Variants in PATJ observed in about 807,000 individuals in gnomAD.
The protein encoded by PATJ is inaD-like protein.
In PATJ, 190 loss-of-function variants were observed where a neutral mutation model predicts 224.9. The observed-to-expected ratio is 0.84, with a 90% CI of 0.75 to 0.95. The LOEUF is 0.95. PATJ is among the 40% of genes least tolerant of loss of function. The pLI is 0.00. For missense variants in PATJ, 2,121 were observed against 2,270.3 expected, an observed-to-expected ratio of 0.93 and a Z score of 1.34; for synonymous variants, 769 against 820.3, an observed-to-expected ratio of 0.94 and a Z score of 1.07.
chr1:61,752,577 C>T (rs1172290490), intron 1 of PATJ, among the ~76,000 whole-genome samples: 3 of 152,122 alleles, frequency 2.0e-5, no homozygotes, highest in African/African-American at 7.2e-5. Context: ...GTGCCCGCCT[C>T]GGCCTCCCGA....
intron 41 of PATJ, among the ~76,000 whole-genome samples, chr1:62,143,812 C>T (rs1667743473): frequency 6.6e-6 from 1 of 152,032 alleles, no homozygotes; most frequent in South Asian, 2.1e-4. Context: ...GTCACTTGAG[C>T]CTGAGTGTGC....
rs571290271 is a variant in PATJ, at chr1:61,828,218, G to A, written c.1980+635G>A. 2.6e-5 allele frequency among the ~76,000 whole-genome samples: 4 copies of A among 151,082 alleles called. No individual in the cohort carries two copies. The East Asian group carries it at 5.8e-4, about 22-fold the overall frequency. ...AGATCACGCCATTGCACTCCAGCTT[G>A]GGCAACAAGAGCGAAACTCCATCTC... On this transcript the variant is annotated intron_variant, in intron 16 of 43. Coordinates refer to ENST00000642238, the MANE Select transcript of PATJ (RefSeq NM_001350145.3).
chr1:62,018,024 T>C lies in PATJ; in HGVS notation c.3959+77T>C. ...TTATTAGTGTAAGACTATGTCATCTTTGATTTGTCTAGCGAAATCACTGTT... is the reference window on the plus strand; with the variant it reads ...TTATTAGTGTAAGACTATGTCATCTCTGATTTGTCTAGCGAAATCACTGTT... On this transcript the variant is annotated intron_variant, in intron 29 of 43. Coordinates refer to ENST00000642238, the MANE Select transcript of PATJ (RefSeq NM_001350145.3). This position sits in a 1 kb window ranked among gnomAD's most constrained non-coding sequence, Gnocchi z 4.2. 1.3e-6 allele frequency: 1 copy of C among 770,212 alleles called. No homozygotes were observed. The highest frequency in any genetic ancestry group is 2.3e-6 in the Non-Finnish European group (1 of 431,894). 47.7% of individuals were successfully genotyped at this position (770,212 alleles called of 1,614,324 possible).
chr1:62,018,554 G>A lies in PATJ; in HGVS notation c.3959+607G>A, dbSNP rs1035036629. ...ATTAGCAATAGAAATGAGGTTGTTT[G>A]ATTCTCTTTACTGGACTGAAATGAC... On this transcript the variant is annotated intron_variant, in intron 29 of 43. Coordinates refer to ENST00000642238, the MANE Select transcript of PATJ (RefSeq NM_001350145.3). The surrounding 1 kb of genome is among the most constrained non-coding windows in gnomAD (Gnocchi z 4.2). Among the ~76,000 whole-genome samples, 1 of 152,178 alleles carries A rather than the reference G, an allele frequency of 6.6e-6. No individual in the cohort carries two copies. Among genetic ancestry groups the A allele is most frequent in the Non-Finnish European group, 1.5e-5 (1 of 68,024 alleles).
At chr1:62,132,094 C>T (rs57088383) in intron 41 of PATJ, among the ~76,000 whole-genome samples, 7,113 of 152,134 alleles carry the variant, frequency 0.047, 333 homozygotes, top group African/African-American at 0.12. Flanking sequence ...GTGATCTGCC[C>T]GCCTTGGCCT....
chr1:61,827,986 C>T (rs1335650874), intron 16 of PATJ, among the ~76,000 whole-genome samples: 2 of 152,142 alleles, frequency 1.3e-5, no homozygotes, highest in Non-Finnish European at 2.9e-5. Flanking sequence ...GTGGCTCACA[C>T]CTGTAATCCC....
intron 17 of PATJ, among the ~76,000 whole-genome samples, chr1:61,845,542 T>G (rs1485185396): frequency 6.6e-6 from 1 of 152,224 alleles, no homozygotes; most frequent in Non-Finnish European, 1.5e-5. Flanking sequence ...ATAATTTTTA[T>G]TTATTTATTT....
chr1:61,905,147 C>T (rs915638594), intron 24 of PATJ, among the ~76,000 whole-genome samples: 2 of 152,322 alleles, frequency 1.3e-5, no homozygotes, highest in Admixed American at 1.3e-4. Context: ...CATAGAAATT[C>T]CATTATAGTT....
At chr1:61,756,692 C>T (rs200066813) in intron 1 of PATJ, among the ~76,000 whole-genome samples, 1 of 149,832 alleles carries the variant, frequency 6.7e-6, no homozygotes, top group East Asian at 2.0e-4. Flanking sequence ...GATTCTCTCT[C>T]CTTAGCCTTC....
intron 7 of PATJ, among the ~76,000 whole-genome samples, chr1:61,780,187 G>A (rs1301358909): frequency 6.6e-6 from 1 of 152,034 alleles, no homozygotes; most frequent in Non-Finnish European, 1.5e-5. Context: ...TCTGTGGCTG[G>A]GTGCAGTGGC....
Position 61,766,484 on chromosome 1 carries a change from A to G in PATJ, c.384+11A>G, listed in dbSNP as rs779773939. 1.3e-5 allele frequency: 20 copies of G among 1,560,888 alleles called. 1 individual carries two copies. In the South Asian group the frequency reaches 1.7e-4, roughly 13 times the overall value. ...CAACAGATGGCTCAGGTAAAGTTGT[A>G]TCTTCTCATGGAAATATTTAGCTTC... On this transcript the variant is annotated intron_variant, in intron 4 of 43. Transcript: ENST00000642238.
At position 62,128,908 on chromosome 1, in the gene PATJ, A is replaced by G; in HGVS notation, c.5234A>G (p.Asn1745Ser). 1 of 1,613,492 alleles carries G rather than the reference A, an allele frequency of 6.2e-7. No individual in the cohort carries two copies. Among genetic ancestry groups the G allele is most frequent in the African/African-American group, 1.3e-5 (1 of 75,052 alleles). The change falls in exon 41 of 44, where the codon AAT becomes AGT. Residue 1745 changes from asparagine (N) to serine (S), a missense_variant. Coordinates refer to ENST00000642238, the MANE Select transcript of PATJ (RefSeq NM_001350145.3). ...GGGCTGTCTCACGCGGATGTGGTTA[A>G]TCTGCTGAAGAACGCCTACGGGCGC... ...LDGLSHADVV[N>S]LLKNAYGRII...
rs560168531 is a variant in PATJ at position 61,763,839 on chromosome 1, A to G, written c.189+660A>G. ...AGTTGGGCTAATTTTTAAAAATTTT[A>G]TAGAGGCAGGGTCTCCCTATGTTGC... is the stretch of plus-strand genomic sequence containing the variant. On this transcript the variant is annotated intron_variant, in intron 3 of 43. Transcript: ENST00000642238. Among the ~76,000 whole-genome samples the G allele has an allele frequency of 1.3e-4, 19 of 151,732 alleles. No individual in the cohort carries two copies. In the South Asian group the frequency reaches 3.5e-3, roughly 28 times the overall value.
At chr1:62,146,541 C>T (rs530328590) in intron 41 of PATJ, among the ~76,000 whole-genome samples, 1 of 152,118 alleles carries the variant, frequency 6.6e-6, no homozygotes, top group African/African-American at 2.4e-5. Flanking sequence ...TCTGGGAGGC[C>T]GAGGCAGGCA....
intron 43 of PATJ, among the ~76,000 whole-genome samples, chr1:62,153,692 G>C (rs1242417490): frequency 6.6e-6 from 1 of 152,126 alleles, no homozygotes; most frequent in African/African-American, 2.4e-5. Context: ...GTCTCCTTTG[G>C]ATTCTGTGAC....
intron 31 of PATJ, among the ~76,000 whole-genome samples, chr1:62,064,870 C>T (rs1000291439): frequency 5.3e-5 from 8 of 152,114 alleles, no homozygotes; most frequent in African/African-American, 1.9e-4. Flanking sequence ...CTGTGCAAAC[C>T]TTTTTTTCTG....
intron 28 of PATJ, among the ~76,000 whole-genome samples, chr1:62,005,980 T>C (rs937161974): frequency 1.3e-5 from 2 of 152,226 alleles, no homozygotes; most frequent in Non-Finnish European, 2.9e-5. Context: ...AGCTAAACTT[T>C]AATTTTTATA....
At chr1:61,990,395 TGGTGAAGTGGATG>T in intron 28 of PATJ, 31 bp downstream of exon 28, 1 of 1,540,550 alleles carries the variant, frequency 6.5e-7, no homozygotes, top group South Asian at 1.2e-5. Flanking sequence ...ACTTATCTTT[TGGTGAAGTGGATG>T]GGTGCAGTGG....
rs74588757 is a variant in PATJ, at chr1:62,064,696, A to G, written c.4125+13638A>G. On this transcript the variant is annotated intron_variant, in intron 31 of 43. Transcript: ENST00000642238. ...AGCTTAAAATGTGTTTCTAATGATT[A>G]TGGGCTTCTTGCTGGTCTTACTTCC... Among the ~76,000 whole-genome samples, 712 of 152,278 alleles carry G rather than the reference A, an allele frequency of 4.7e-3. 9 individuals carry two copies. The highest frequency in any genetic ancestry group is 0.016 in the African/African-American group (677 of 41,558).
Sources: allele counts gnomAD v4.1 joint callset (sites outside exome capture counted in the v4.1 genomes callset), GRCh38; gene constraint gnomAD v4.1.1; non-coding constraint Gnocchi (gnomAD v3.1); transcripts MANE v1.5; gene names NCBI Gene and HGNC (gene_info 2026-07-23, HGNC 2026-07-21).